The following HSPA12A variants were observed in gnomAD, a reference collection of about 807,000 sequenced individuals.
The protein encoded by HSPA12A is heat shock 70 kDa protein 12A.
In HSPA12A, 28 loss-of-function variants were observed where a neutral mutation model predicts 69.2. The ratio of observed to expected loss-of-function variants is 0.40; its 90% CI spans 0.30 to 0.55. HSPA12A has a LOEUF of 0.55. HSPA12A is among the 20% of genes least tolerant of loss of function. The probability of loss-of-function intolerance (pLI) is 0.38; values close to 1 mark genes in which losing one functional copy is unlikely to be tolerated. For synonymous variants in HSPA12A, 345 were observed against 370.5 expected, an observed-to-expected ratio of 0.93 and a Z score of 0.79; for missense variants, 686 against 900.7, an observed-to-expected ratio of 0.76 and a Z score of 3.05.
At chr10:116,704,075 C>A (rs1358157286) in intron 3 of HSPA12A, among the ~76,000 whole-genome samples, 1 of 152,214 alleles carries the variant, frequency 6.6e-6, no homozygotes, top group Non-Finnish European at 1.5e-5. Context: ...GGATCTAGAA[C>A]TAGAAATGCC....
intron 1 of HSPA12A, among the ~76,000 whole-genome samples, chr10:116,707,845 G>T (rs1250866069): frequency 6.6e-6 from 1 of 152,138 alleles, no homozygotes; most frequent in Admixed American, 6.5e-5. Context: ...CCCCCTGCCA[G>T]GGCATGTGAA....
At chr10:116,705,977 GC>G (rs782547555) in intron 2 of HSPA12A, among the ~76,000 whole-genome samples, 65 of 144,522 alleles carry the variant, frequency 4.5e-4, no homozygotes, top group South Asian at 1.1e-3. Context: ...CTCACTGCAA[GC>G]TCTGCCTCCC....
In HSPA12A at chr10:116,671,285, T is replaced by C. The variant is rs1849065244; in HGVS notation, c.*3496A>G. 6.6e-6 allele frequency: 1 copy of C among 152,192 alleles called. No homozygotes were observed. The highest frequency in any genetic ancestry group is 1.9e-4 in the East Asian group (1 of 5,184). 9.4% of individuals were successfully genotyped at this position (152,192 alleles called of 1,614,324 possible). A position where few individuals can be genotyped will look rare whatever the true frequency, so the allele number is the denominator to read the frequency against. On this transcript the variant is annotated 3_prime_UTR_variant, in exon 12 of 12. Transcript: ENST00000369209. Reference sequence around the variant, plus strand: ...GGTGGTGAACTGCTGCAAAGTTCTGTGAAGTTTGAATTTATCTTGTAGTGA... The same window carrying C: ...GGTGGTGAACTGCTGCAAAGTTCTGCGAAGTTTGAATTTATCTTGTAGTGA...
chr10:116,819,915 T>G (rs2133195999), intron 2 of HSPA12A, among the ~76,000 whole-genome samples: 1 of 152,248 alleles, frequency 6.6e-6, no homozygotes, highest in South Asian at 2.1e-4. Flanking sequence ...CAGCCTCAAC[T>G]TCCTGGGCTC....
At chr10:116,747,804 GC>G (rs1851682765) in intron 2 of HSPA12A, among the ~76,000 whole-genome samples, 1 of 151,936 alleles carries the variant, frequency 6.6e-6, no homozygotes, top group Non-Finnish European at 1.5e-5. Context: ...TTTGAGACCA[GC>G]CTGGCCAACA....
intron 5 of HSPA12A, among the ~76,000 whole-genome samples, chr10:116,693,036 A>G (rs1158602399): frequency 6.6e-6 from 1 of 152,196 alleles, no homozygotes; most frequent in East Asian, 1.9e-4. Context: ...AAAGTAGCAG[A>G]GCCAAAATTT....
chr10:116,721,864 T>C (rs886365834), intron 1 of HSPA12A, among the ~76,000 whole-genome samples: 1 of 152,188 alleles, frequency 6.6e-6, no homozygotes, highest in African/African-American at 2.4e-5. Flanking sequence ...CCCACGTTGG[T>C]GTGTACATGT....
chr10:116,823,850 T>C (rs1457951978), intron 2 of HSPA12A, among the ~76,000 whole-genome samples: 2 of 152,160 alleles, frequency 1.3e-5, no homozygotes, highest in African/African-American at 4.8e-5. Context: ...ATGTTAGCAA[T>C]GGCTTCTTAG....
At position 116,679,500 on chromosome 10, in the gene HSPA12A, CACTT is replaced by C; in HGVS notation, c.1285_1286+2del. Reference sequence around the variant, plus strand: ...AGAGCCCGAGGTGATGAGCCCAACTCACTTGCTTTTCCGCAAGGCGTGCTCCACA... The same window carrying C: ...AGAGCCCGAGGTGATGAGCCCAACTCGCTTTTCCGCAAGGCGTGCTCCACA... On this transcript the variant is annotated splice_donor_variant and coding_sequence_variant, in exon 10 of 12. Coordinates refer to ENST00000369209, the MANE Select transcript of HSPA12A (RefSeq NM_025015.3). LOFTEE classifies it high-confidence loss of function. 1 of 1,612,940 alleles carries C rather than the reference CACTT, an allele frequency of 6.2e-7. No homozygotes were observed. The highest frequency in any genetic ancestry group is 8.5e-7 in the Non-Finnish European group (1 of 1,179,522).
chr10:116,709,173 G>A (rs78857309), intron 1 of HSPA12A, among the ~76,000 whole-genome samples: 3 of 152,324 alleles, frequency 2.0e-5, no homozygotes, highest in South Asian at 2.1e-4. Context: ...TAGGCTGGGC[G>A]CGGTGGCTCA....
chr10:116,771,085 C>T (rs1844196507), intron 2 of HSPA12A, among the ~76,000 whole-genome samples: 1 of 151,994 alleles, frequency 6.6e-6, no homozygotes, highest in South Asian at 2.1e-4. Context: ...CCTCAGTTTG[C>T]AAACCCTGGA....
chr10:116,738,234 C>T (rs1851373820), intron 1 of HSPA12A, among the ~76,000 whole-genome samples: 1 of 152,208 alleles, frequency 6.6e-6, no homozygotes, highest in South Asian at 2.1e-4. Flanking sequence ...TGGCCCACTC[C>T]TGAGCATCCA....
At chr10:116,837,627 A>T (rs1845737820) in intron 1 of HSPA12A, among the ~76,000 whole-genome samples, 1 of 151,980 alleles carries the variant, frequency 6.6e-6, no homozygotes, top group Admixed American at 6.6e-5. Flanking sequence ...TATGTGCAGC[A>T]TTTTTTTTCC....
At chr10:116,689,064 C>G (rs915329849) in intron 6 of HSPA12A, among the ~76,000 whole-genome samples, 4 of 152,080 alleles carry the variant, frequency 2.6e-5, no homozygotes, top group African/African-American at 9.7e-5. Flanking sequence ...GGAGTTTCAC[C>G]GATGAAACTG....
At chr10:116,763,531 A>C (rs1554889485) in intron 2 of HSPA12A, among the ~76,000 whole-genome samples, 2 of 152,188 alleles carry the variant, frequency 1.3e-5, no homozygotes. Context: ...CTCTCCATGC[A>C]TACAGGGCAG....
chr10:116,824,123 T>C (rs1845457496), intron 2 of HSPA12A, among the ~76,000 whole-genome samples: 1 of 152,184 alleles, frequency 6.6e-6, no homozygotes. Flanking sequence ...ACAAAGAAGA[T>C]GTATACAAAT....
chr10:116,797,748 G>C (rs79128438), intron 2 of HSPA12A, among the ~76,000 whole-genome samples: 1 of 152,158 alleles, frequency 6.6e-6, no homozygotes, highest in South Asian at 2.1e-4. Flanking sequence ...AGCTGTGTAC[G>C]TGGCTCTGTG....
At chr10:116,679,078 G>A (rs1482725099) in intron 10 of HSPA12A, among the ~76,000 whole-genome samples, 3 of 152,094 alleles carry the variant, frequency 2.0e-5, no homozygotes, top group Non-Finnish European at 4.4e-5. Context: ...GGGACTCAGA[G>A]TGGCAAGAAA....
intron 2 of HSPA12A, among the ~76,000 whole-genome samples, chr10:116,798,148 C>T (rs1012960533): frequency 6.6e-6 from 1 of 151,014 alleles, no homozygotes; most frequent in Admixed American, 6.6e-5. Context: ...ACTGGACTTC[C>T]CTCAATGTGG....
Sources: gnomAD v4.1 joint callset for allele counts (sites outside exome capture counted in the v4.1 genomes callset) on GRCh38, gnomAD v4.1.1 for gene constraint, MANE v1.5 for transcripts, NCBI Gene and HGNC (gene_info 2026-07-23, HGNC 2026-07-21) for gene names.